TAFA2: variants seen among roughly 807,000 people sequenced by gnomAD.
The protein encoded by TAFA2 is TAFA chemokine like family member 2.
A neutral mutation model predicts 18.8 loss-of-function variants in TAFA2; 7 were observed. That is an observed-to-expected ratio of 0.37 (90% CI 0.21 to 0.70). TAFA2 has a LOEUF of 0.70. Ranked by LOEUF, TAFA2 falls within the 30% of genes least tolerant of loss-of-function variation. The pLI is 0.53. For synonymous variants in TAFA2, 60 were observed against 54.2 expected (o/e 1.11, Z -0.47); for missense variants, 122 against 158.1 (o/e 0.77, Z 1.23).
At chr12:62,027,262 C>T (rs200310906) in intron 1 of TAFA2, among the ~76,000 whole-genome samples, 1 of 152,102 alleles carries the variant, frequency 6.6e-6, no homozygotes, top group East Asian at 1.9e-4. Flanking sequence ...AATTAACATG[C>T]AGCATACAGC....
At chr12:61,804,192 AAAAGAACTTC>A (rs1323908227) in intron 2 of TAFA2, among the ~76,000 whole-genome samples, 1 of 152,010 alleles carries the variant, frequency 6.6e-6, no homozygotes. Flanking sequence ...CCTATACTTT[AAAAGAACTTC>A]AAGGCTCATA....
intron 1 of TAFA2, among the ~76,000 whole-genome samples, chr12:61,949,903 T>C (rs1431554593): frequency 2.0e-5 from 3 of 152,138 alleles, no homozygotes; most frequent in Non-Finnish European, 4.4e-5. Flanking sequence ...ACTCCATACC[T>C]AGTAATCAAC....
At chr12:62,135,369 G>C (rs1488352039) in intron 1 of TAFA2, among the ~76,000 whole-genome samples, 1 of 151,994 alleles carries the variant, frequency 6.6e-6, no homozygotes, top group Non-Finnish European at 1.5e-5. Context: ...AGTTCTGAAG[G>C]ACTAGATAGT....
chr12:62,055,991 T>A (rs568163666), intron 1 of TAFA2, among the ~76,000 whole-genome samples: 1 of 152,328 alleles, frequency 6.6e-6, no homozygotes, highest in Admixed American at 6.5e-5. Context: ...TAACTCTTGC[T>A]TCTATGTAGT....
At chr12:61,733,218 A>T (rs1868251530) in intron 4 of TAFA2, among the ~76,000 whole-genome samples, 1 of 152,008 alleles carries the variant, frequency 6.6e-6, no homozygotes, top group Admixed American at 6.6e-5. Context: ...CCCATTTTGT[A>T]GGTTACCTGT....
intron 1 of TAFA2, among the ~76,000 whole-genome samples, chr12:61,995,667 T>C (rs919452779): frequency 3.3e-5 from 5 of 152,130 alleles, no homozygotes; most frequent in African/African-American, 4.8e-5. Context: ...TTTGATTACA[T>C]AGTATGTGAT....
chr12:61,880,896 AG>A (rs1444372578), intron 1 of TAFA2: 1 of 165,362 alleles, frequency 6.0e-6, no homozygotes, highest in Admixed American at 6.3e-5. Context: ...CCTAGCCCTC[AG>A]CCCACCCGCG....
At chr12:62,025,838 T>A (rs1327011192) in intron 1 of TAFA2, among the ~76,000 whole-genome samples, 1 of 152,108 alleles carries the variant, frequency 6.6e-6, no homozygotes, top group Non-Finnish European at 1.5e-5. Flanking sequence ...TTACAATGCA[T>A]ACTAGAGTTT....
chr12:61,945,668 A>C lies in TAFA2; in HGVS notation c.-1-78242T>G, dbSNP rs1400829814. ...GCATTCCTATACACCAACAACAGAC[A>C]AACAGAGAGCCAAATCATGAGTGAA... On this transcript the variant is annotated intron_variant, in intron 1 of 4. Coordinates refer to ENST00000416284, the MANE Select transcript of TAFA2 (RefSeq NM_178539.5). 1.1e-4 allele frequency among the ~76,000 whole-genome samples: 14 copies of C among 133,196 alleles called. No homozygotes were observed. In the South Asian group the frequency reaches 3.2e-3, roughly 31 times the overall value. The allele number at this position is 133,196 out of a possible 152,430, so 87.4% of individuals were successfully genotyped here. A position where few individuals can be genotyped will look rare whatever the true frequency, so the allele number is the denominator to read the frequency against.
At chr12:61,979,971 A>G (rs980722217) in intron 1 of TAFA2, among the ~76,000 whole-genome samples, 1 of 152,186 alleles carries the variant, frequency 6.6e-6, no homozygotes, top group African/African-American at 2.4e-5. Context: ...GCTGTGTCCC[A>G]TAAAACTATA....
intron 4 of TAFA2, among the ~76,000 whole-genome samples, chr12:61,713,735 C>G (rs184792454): frequency 6.6e-6 from 1 of 152,060 alleles, no homozygotes; most frequent in African/African-American, 2.4e-5. Context: ...AAAATATCAA[C>G]CTTTTATGAT....
chr12:61,869,507 G>A (rs964185243), intron 1 of TAFA2, among the ~76,000 whole-genome samples: 32 of 152,050 alleles, frequency 2.1e-4, no homozygotes, highest in African/African-American at 6.0e-4. Flanking sequence ...TAAAGTATTC[G>A]TGAAAAATAA....
At chr12:62,098,641 C>T (rs528984245) in intron 1 of TAFA2, among the ~76,000 whole-genome samples, 1 of 152,238 alleles carries the variant, frequency 6.6e-6, no homozygotes, top group Non-Finnish European at 1.5e-5. Flanking sequence ...CTGATTAATT[C>T]TCTTTTTGTT....
intron 1 of TAFA2, among the ~76,000 whole-genome samples, chr12:62,233,009 ACCCCCTTACCC>A (rs2062818663): frequency 1.4e-5 from 2 of 142,652 alleles, no homozygotes; most frequent in African/African-American, 5.3e-5. Context: ...TGCCTTTCTA[ACCCCCTTACCC>A]AATTGCAAGT....
At chr12:62,247,447 TC>T (rs2062892084) in intron 1 of TAFA2, among the ~76,000 whole-genome samples, 6 of 152,240 alleles carry the variant, frequency 3.9e-5, no homozygotes, top group Admixed American at 3.9e-4. Context: ...AGTGCAGACA[TC>T]AGCATTTGCC....
Position 62,239,798 on chromosome 12 carries a change from C to T in TAFA2, c.-130+18965G>A, listed in dbSNP as rs144048038. Reference sequence around the variant, plus strand: ...TCCAATCTCCCACCATTGAGTTATACACCACCCCATCTGATGCTGCATGAA... The same window carrying T: ...TCCAATCTCCCACCATTGAGTTATATACCACCCCATCTGATGCTGCATGAA... On this transcript the variant is annotated intron_variant, in intron 1 of 5. Coordinates refer to the TAFA2 transcript ENST00000551619. Among the ~76,000 whole-genome samples the T allele has an allele frequency of 2.2e-3, 329 of 152,274 alleles. 1 individual carries two copies. The highest frequency in any genetic ancestry group is 6.6e-3 in the African/African-American group (276 of 41,538).
At chr12:62,231,460 C>T (rs193119679) in intron 1 of TAFA2, among the ~76,000 whole-genome samples, 79 of 152,214 alleles carry the variant, frequency 5.2e-4, no homozygotes, top group African/African-American at 1.9e-3. Flanking sequence ...TCACTTTCTA[C>T]GTCTTTTTGG....
At chr12:62,018,375 A>G (rs1881008071) in intron 1 of TAFA2, among the ~76,000 whole-genome samples, 1 of 152,168 alleles carries the variant, frequency 6.6e-6, no homozygotes, top group Non-Finnish European at 1.5e-5. Context: ...AAGTGATATC[A>G]CCATTTATTC....
intron 1 of TAFA2, among the ~76,000 whole-genome samples, chr12:61,887,999 T>C (rs1875463873): frequency 6.6e-6 from 1 of 151,914 alleles, no homozygotes; most frequent in African/African-American, 2.4e-5. Flanking sequence ...TCACTGGCCA[T>C]CAGAGAAATG....
Sources: gnomAD v4.1 joint callset for allele counts (sites outside exome capture counted in the v4.1 genomes callset) on GRCh38, gnomAD v4.1.1 for gene constraint, MANE v1.5 for transcripts, NCBI Gene and HGNC (gene_info 2026-07-23, HGNC 2026-07-21) for gene names.